SLC24A2: variants seen among roughly 807,000 people sequenced by gnomAD.
The protein encoded by SLC24A2 is sodium/potassium/calcium exchanger 2.
SLC24A2 carries 36 observed loss-of-function variants against 62.0 expected under a neutral mutation model. The ratio of observed to expected loss-of-function variants is 0.58; its 90% CI spans 0.44 to 0.77. SLC24A2 has a LOEUF of 0.77. SLC24A2 is among the 30% of genes least tolerant of loss of function. SLC24A2 has a pLI of 0.00. For missense variants in SLC24A2, 846 were observed against 817.9 expected, an observed-to-expected ratio of 1.03 and a Z score of -0.42; for synonymous variants, 358 against 294.0, an observed-to-expected ratio of 1.22 and a Z score of -2.23.
At chr9:20,121,721 G>T in the SLC24A2 span, among the ~76,000 whole-genome samples, 2 of 152,028 alleles carry the variant, frequency 1.3e-5, no homozygotes, top group Non-Finnish European at 2.9e-5. Context: ...AGAAAACACC[G>T]ATATCCAGAC....
At chr9:19,601,873 C>G (rs894171180) in intron 4 of SLC24A2, among the ~76,000 whole-genome samples, 1 of 152,166 alleles carries the variant, frequency 6.6e-6, no homozygotes, top group African/African-American at 2.4e-5. Flanking sequence ...GTGAGAATTA[C>G]AGGTGCTTAA....
the SLC24A2 span, among the ~76,000 whole-genome samples, chr9:19,905,305 G>T: frequency 1.8e-4 from 27 of 152,208 alleles, no homozygotes; most frequent in African/African-American, 6.3e-4. Context: ...CCTGTAAATA[G>T]CTATATTAAT....
intron 5 of SLC24A2, among the ~76,000 whole-genome samples, chr9:19,584,285 AAAAAAAAAC>A (rs1563982293): frequency 6.7e-6 from 1 of 150,284 alleles, no homozygotes; most frequent in African/African-American, 2.5e-5. Context: ...AAAAAAAAAA[AAAAAAAAAC>A]AAACAAAAAA....
chr9:20,124,129 C>T, the SLC24A2 span, among the ~76,000 whole-genome samples: 1 of 152,152 alleles, frequency 6.6e-6, no homozygotes, highest in African/African-American at 2.4e-5. Context: ...GCATATGTAA[C>T]TCCTTTTATA....
At chr9:19,879,521 G>A in the SLC24A2 span, among the ~76,000 whole-genome samples, 15 of 152,150 alleles carry the variant, frequency 9.9e-5, no homozygotes, top group Non-Finnish European at 7.4e-5. Context: ...ATAAAGACTT[G>A]AATGTTAAAA....
rs1235593133 is a variant in SLC24A2 at position 19,509,031 on chromosome 9, C to G, written c.*7122G>C. 6.6e-6 allele frequency: 1 copy of G among 152,128 alleles called. No homozygotes were observed. The allele number at this position is 152,128 out of a possible 1,614,324, so 9.4% of individuals were successfully genotyped here. On this transcript the variant is annotated 3_prime_UTR_variant, in exon 11 of 11. Transcript: ENST00000341998. Reference sequence around the variant, plus strand: ...GGAATTATTGATAAATTGTATACCTCTATTTCCCATTTTTATAAGGGAACT... The same window carrying G: ...GGAATTATTGATAAATTGTATACCTGTATTTCCCATTTTTATAAGGGAACT...
intron 7 of SLC24A2, among the ~76,000 whole-genome samples, chr9:19,560,028 CTG>C (rs138797370): frequency 0.01 from 1,558 of 152,262 alleles, 24 homozygotes; most frequent in African/African-American, 0.034. Flanking sequence ...GACCCTGAAA[CTG>C]TAGTTTAGGA....
chr9:20,016,411 A>C, the SLC24A2 span, among the ~76,000 whole-genome samples: 21 of 152,220 alleles, frequency 1.4e-4, no homozygotes, highest in Non-Finnish European at 2.4e-4. Context: ...GTGAGGTCAA[A>C]TTAACTGCAT....
chr9:19,813,088 G>A, the SLC24A2 span, among the ~76,000 whole-genome samples: 1 of 152,146 alleles, frequency 6.6e-6, no homozygotes, highest in Non-Finnish European at 1.5e-5. Context: ...GTCAGGCTTA[G>A]TTCTCTGCCC....
intron 8 of SLC24A2, among the ~76,000 whole-genome samples, chr9:19,546,072 G>C (rs929004177): frequency 2.6e-5 from 4 of 152,170 alleles, no homozygotes; most frequent in African/African-American, 9.7e-5. Context: ...GTTTCCTCTG[G>C]AACCTTTGTC....
the SLC24A2 span, among the ~76,000 whole-genome samples, chr9:20,184,212 A>G: frequency 1.3e-5 from 2 of 152,230 alleles, no homozygotes; most frequent in African/African-American, 4.8e-5. Context: ...TAAAACTACA[A>G]TGAGATATTA....
rs1427736540 is a variant in SLC24A2 at position 19,659,705 on chromosome 9, A to C, written c.931-37406T>G. On this transcript the variant is annotated intron_variant, in intron 2 of 10. Transcript: ENST00000341998. ...AACACTGATGACATGCCTGATTTTC[A>C]GACCAGGTGGGTCTGTGTTAACTGG... Among the ~76,000 whole-genome samples the C allele has an allele frequency of 2.6e-5, 4 of 152,204 alleles. No homozygotes were observed. In the East Asian group the frequency reaches 7.7e-4, roughly 29 times the overall value.
the SLC24A2 span, among the ~76,000 whole-genome samples, chr9:20,011,799 A>C: frequency 6.6e-6 from 1 of 152,200 alleles, no homozygotes; most frequent in Admixed American, 6.5e-5. Flanking sequence ...GAATATCAAA[A>C]ACAGCAAGAG....
At chr9:20,020,613 C>G in the SLC24A2 span, among the ~76,000 whole-genome samples, 1 of 152,110 alleles carries the variant, frequency 6.6e-6, no homozygotes, top group Non-Finnish European at 1.5e-5. Flanking sequence ...GGAGAAATAC[C>G]TATTGTAGAT....
the SLC24A2 span, among the ~76,000 whole-genome samples, chr9:20,230,905 T>C: frequency 1.3e-5 from 2 of 152,332 alleles, no homozygotes; most frequent in African/African-American, 4.8e-5. Flanking sequence ...TCAATTAATT[T>C]TTGCATAACG....
At chr9:20,105,917 T>G in the SLC24A2 span, among the ~76,000 whole-genome samples, 12 of 152,162 alleles carry the variant, frequency 7.9e-5, no homozygotes, top group Non-Finnish European at 1.2e-4. Flanking sequence ...GAGCTGGTTT[T>G]TTGAAAGGAT....
At chr9:20,079,088 G>A in the SLC24A2 span, among the ~76,000 whole-genome samples, 1 of 143,632 alleles carries the variant, frequency 7.0e-6, no homozygotes, top group Admixed American at 6.7e-5. Context: ...ATCCAGGTGG[G>A]CCCTAAATCC....
At chr9:19,583,066 A>C (rs1836255940) in intron 5 of SLC24A2, among the ~76,000 whole-genome samples, 1 of 152,120 alleles carries the variant, frequency 6.6e-6, no homozygotes, top group African/African-American at 2.4e-5. Context: ...CTTCTCTGCA[A>C]AATCCTGCAG....
At chr9:19,747,322 T>C (rs1426093793) in intron 2 of SLC24A2, among the ~76,000 whole-genome samples, 3 of 152,126 alleles carry the variant, frequency 2.0e-5, no homozygotes, top group Non-Finnish European at 4.4e-5. Context: ...ATTATATACA[T>C]ATACAGGTAT....
Sources: gnomAD v4.1 joint callset for allele counts (sites outside exome capture counted in the v4.1 genomes callset) on GRCh38, gnomAD v4.1.1 for gene constraint, MANE v1.5 for transcripts, NCBI Gene and HGNC (gene_info 2026-07-23, HGNC 2026-07-21) for gene names.